The following NCOA7 variants were observed in gnomAD, a reference collection of about 807,000 sequenced individuals.
NCOA7 encodes 140 kDa estrogen receptor-associated protein.
A neutral mutation model predicts 104.3 loss-of-function variants in NCOA7; 45 were observed. The ratio of observed to expected loss-of-function variants is 0.43; its 90% CI spans 0.34 to 0.55. NCOA7 has a LOEUF of 0.55. Ranked by LOEUF, NCOA7 falls within the 20% of genes least tolerant of loss-of-function variation. NCOA7 has a pLI of 0.02. For missense variants in NCOA7, 1,041 were observed against 1,119.7 expected (o/e 0.93, Z 1.00); for synonymous variants, 398 against 402.3 (o/e 0.99, Z 0.13).
chr6:125,848,585 G>C (rs1243624284), intron 2 of NCOA7, among the ~76,000 whole-genome samples: 1 of 152,066 alleles, frequency 6.6e-6, no homozygotes, highest in Admixed American at 6.6e-5. Flanking sequence ...TCACTCATAG[G>C]TGGGAATTGA....
chr6:125,827,026 T>C (rs1778715899), intron 2 of NCOA7, among the ~76,000 whole-genome samples: 1 of 151,870 alleles, frequency 6.6e-6, no homozygotes, highest in African/African-American at 2.4e-5. Context: ...GGAGAAGCCC[T>C]GTCTCTACTA....
chr6:125,878,515 T>G, intron 5 of NCOA7, 145 bp downstream of exon 5: 1 of 564,372 alleles, frequency 1.8e-6, no homozygotes. Flanking sequence ...TTATTTTTAT[T>G]TATTTATTTT....
chr6:125,880,514 T>TA (rs1484563281), intron 5 of NCOA7, among the ~76,000 whole-genome samples: 7 of 151,324 alleles, frequency 4.6e-5, no homozygotes, highest in African/African-American at 1.7e-4. Context: ...TATTTATTTA[T>TA]TTATATTTTA....
chr6:125,881,392 C>A (rs1194456760), intron 6 of NCOA7, among the ~76,000 whole-genome samples, 189 bp downstream of exon 6: 1 of 152,018 alleles, frequency 6.6e-6, no homozygotes, highest in African/African-American at 2.4e-5. Flanking sequence ...CAAAAATGGC[C>A]AGACACAGTG....
Position 125,889,199 on chromosome 6 carries a change from A to G in NCOA7, c.1145A>G (p.His382Arg), listed in dbSNP as rs1784450020. ...KKLDSSRETS[H>R]GSPTVTKLSK... ...CTGGACTCCTCTAGGGAGACATCCC[A>G]TGGTTCTCCCACAGTGACTAAGCTC... Residue 382 changes from histidine to arginine, a missense_variant, in exon 9 of 16, where the codon CAT becomes CGT. Transcript: ENST00000392477. 6.2e-7 allele frequency: 1 copy of G among 1,614,050 alleles called. No individual in the cohort carries two copies. Among genetic ancestry groups the G allele is most frequent in the Non-Finnish European group, 8.5e-7 (1 of 1,179,996 alleles).
intron 2 of NCOA7, among the ~76,000 whole-genome samples, chr6:125,821,412 G>A (rs984401385): frequency 6.6e-6 from 1 of 152,098 alleles, no homozygotes; most frequent in Non-Finnish European, 1.5e-5. Flanking sequence ...CTGCAGTGCT[G>A]CCATGTGCCC....
chr6:125,839,170 TGCAG>T (rs1779891242), intron 2 of NCOA7, among the ~76,000 whole-genome samples: 1 of 152,138 alleles, frequency 6.6e-6, no homozygotes, highest in African/African-American at 2.4e-5. Context: ...CAGGCTAGAG[TGCAG>T]TGGAGCAATC....
chr6:125,836,440 T>C (rs978740077), intron 2 of NCOA7, among the ~76,000 whole-genome samples: 4 of 152,242 alleles, frequency 2.6e-5, no homozygotes, highest in African/African-American at 9.6e-5. Flanking sequence ...TTCCCTGATT[T>C]GGCTTTTGTT....
intron 1 of NCOA7, among the ~76,000 whole-genome samples, chr6:125,812,736 C>G (rs1290022156): frequency 6.6e-6 from 1 of 152,210 alleles, no homozygotes; most frequent in Non-Finnish European, 1.5e-5. Flanking sequence ...CAACCGATTT[C>G]TTACCTCCTT....
intron 10 of NCOA7, among the ~76,000 whole-genome samples, chr6:125,903,709 CTTT>C (rs386408527): frequency 1.4e-5 from 2 of 143,832 alleles, no homozygotes; most frequent in Non-Finnish European, 1.5e-5. Context: ...TTACTACCTT[CTTT>C]TTTTTTTTTT....
chr6:125,878,149 C>T (rs1583443562), intron 4 of NCOA7, 114 bp from the exon 5 acceptor site: 1 of 545,940 alleles, frequency 1.8e-6, no homozygotes, highest in East Asian at 3.3e-5. Context: ...TATAGTCTAT[C>T]TTGATGGAAC....
chr6:125,860,909 A>C (rs1280495228), intron 3 of NCOA7, among the ~76,000 whole-genome samples: 1 of 152,208 alleles, frequency 6.6e-6, no homozygotes, highest in Non-Finnish European at 1.5e-5. Flanking sequence ...ATAAAATGTG[A>C]ATACCAAGAT....
At chr6:125,838,502 T>C (rs1779824869) in intron 2 of NCOA7, among the ~76,000 whole-genome samples, 1 of 152,184 alleles carries the variant, frequency 6.6e-6, no homozygotes, top group Admixed American at 6.5e-5. Flanking sequence ...AAGACAGCTT[T>C]GCAGGGGTAC....
chr6:125,866,259 GTGGAGT>G (rs1334412880), intron 3 of NCOA7, among the ~76,000 whole-genome samples: 1 of 151,934 alleles, frequency 6.6e-6, no homozygotes, highest in African/African-American at 2.4e-5. Context: ...AACCCGTGAG[GTGGAGT>G]TTTTGATGAG....
intron 13 of NCOA7, among the ~76,000 whole-genome samples, 178 bp downstream of exon 13, chr6:125,923,012 C>T (rs1787724195): frequency 6.6e-6 from 1 of 152,192 alleles, no homozygotes; most frequent in African/African-American, 2.4e-5. Flanking sequence ...AAATCCCAAT[C>T]ATTATGGCAT....
At chr6:125,809,927 G>A (rs1040119088) in intron 1 of NCOA7, among the ~76,000 whole-genome samples, 1 of 152,280 alleles carries the variant, frequency 6.6e-6, no homozygotes. Flanking sequence ...TTTGCTATGT[G>A]GGTCCACAGC....
intron 1 of NCOA7, among the ~76,000 whole-genome samples, chr6:125,799,094 G>A (rs1775620147): frequency 6.6e-6 from 1 of 152,130 alleles, no homozygotes; most frequent in South Asian, 2.1e-4. Context: ...TTAATCCCAA[G>A]AATGTGGCTT....
chr6:125,927,828 T>G, intron 14 of NCOA7, 70 bp downstream of exon 14: 1 of 1,256,190 alleles, frequency 8.0e-7, no homozygotes, highest in Non-Finnish European at 1.2e-6. Context: ...GGGATAGGCA[T>G]TGGGGCAGCT....
chr6:125,852,682 T>C (rs1314152856), intron 2 of NCOA7, among the ~76,000 whole-genome samples: 3 of 152,228 alleles, frequency 2.0e-5, no homozygotes, highest in African/African-American at 2.4e-5. Context: ...CCCCAGTTTA[T>C]GTTTTTGTAT....
Sources: gnomAD v4.1 joint callset for allele counts (sites outside exome capture counted in the v4.1 genomes callset) on GRCh38, gnomAD v4.1.1 for gene constraint, MANE v1.5 for transcripts, NCBI Gene and HGNC (gene_info 2026-07-23, HGNC 2026-07-21) for gene names.